CLNK: variants seen among roughly 807,000 people sequenced by gnomAD.
CLNK encodes the protein cytokine dependent hematopoietic cell linker.
A neutral mutation model predicts 68.6 loss-of-function variants in CLNK; 74 were observed. The ratio of observed to expected loss-of-function variants is 1.08; its 90% CI spans 0.89 to 1.31. CLNK has a LOEUF of 1.31. Ranked by LOEUF, CLNK falls within the 50% of genes most tolerant of loss-of-function variation. The pLI is 0.00. For missense variants in CLNK, 553 were observed against 515.3 expected (o/e 1.07, Z -0.71); for synonymous variants, 198 against 172.2 (o/e 1.15, Z -1.17).
intron 3 of CLNK, among the ~76,000 whole-genome samples, chr4:10,593,069 A>C (rs1560232677): frequency 6.6e-6 from 1 of 152,156 alleles, no homozygotes; most frequent in African/African-American, 2.4e-5. Flanking sequence ...CAACTCCCAG[A>C]AAGCCAGTGG....
At chr4:10,714,852 A>G in the CLNK span, among the ~76,000 whole-genome samples, 1 of 152,126 alleles carries the variant, frequency 6.6e-6, no homozygotes, top group African/African-American at 2.4e-5. Context: ...ATACATTCTG[A>G]CATCAGTGTG....
At position 10,489,047 on chromosome 4, in the gene CLNK, C is replaced by A. The variant is rs1004523737; in HGVS notation, c.*1420G>T. 1 of 150,150 alleles carries A rather than the reference C, an allele frequency of 6.7e-6. No homozygotes were observed. The highest frequency in any genetic ancestry group is 2.4e-5 in the African/African-American group (1 of 40,900). 9.3% of individuals were successfully genotyped at this position (150,150 alleles called of 1,614,324 possible). ...GTAAATCTGTATTTTCAAATTGTTT[C>A]TATCTTTCTCTCTCTCTCTCTCTTT... On this transcript the variant is annotated 3_prime_UTR_variant, in exon 19 of 19. Transcript: ENST00000226951.
intron 2 of CLNK, among the ~76,000 whole-genome samples, chr4:10,612,625 T>A (rs1000469374): frequency 6.6e-6 from 1 of 152,208 alleles, no homozygotes; most frequent in African/African-American, 2.4e-5. Flanking sequence ...GGAGAGTGGC[T>A]GGAATCCTAG....
Position 10,673,008 on chromosome 4 carries a change from G to A in CLNK, c.-42-5097C>T, listed in dbSNP as rs576387471. On this transcript the variant is annotated intron_variant, in intron 1 of 18. Coordinates refer to ENST00000226951, the MANE Select transcript of CLNK (RefSeq NM_052964.4). The stretch of plus-strand genomic sequence containing the variant: ...AATTATTTCTGAGTCAATTTTTAGC[G>A]GAATGTTTTTAAAAAACCTATCACA... Among the ~76,000 whole-genome samples, 18 of 152,100 alleles carry A rather than the reference G, an allele frequency of 1.2e-4. No homozygotes were observed. In the East Asian group the frequency reaches 1.9e-3, roughly 16 times the overall value.
intron 2 of CLNK, among the ~76,000 whole-genome samples, chr4:10,598,875 T>C (rs1721481517): frequency 6.6e-6 from 1 of 152,216 alleles, no homozygotes; most frequent in Non-Finnish European, 1.5e-5. Flanking sequence ...GTCCTCCCAG[T>C]TCCACTTGGG....
chr4:10,647,477 A>T, intron 2 of CLNK, among the ~76,000 whole-genome samples: 1 of 152,146 alleles, frequency 6.6e-6, no homozygotes, highest in Non-Finnish European at 1.5e-5. Flanking sequence ...TATTTGTTGA[A>T]ATTAATTCCA....
At chr4:10,501,117 T>C (rs1717025830) in intron 18 of CLNK, 139 bp downstream of exon 18, 3 of 813,072 alleles carry the variant, frequency 3.7e-6, no homozygotes, top group Admixed American at 7.0e-5. Context: ...GTGCAGATAT[T>C]TGTGGAAGGG....
intron 11 of CLNK, among the ~76,000 whole-genome samples, chr4:10,534,205 T>C (rs772562803): frequency 4.3e-4 from 65 of 152,306 alleles, no homozygotes; most frequent in Non-Finnish European, 9.0e-4. Flanking sequence ...GGTTTGGAAT[T>C]TGCAGCTTTA....
At chr4:10,642,395 C>T (rs1723340836) in intron 2 of CLNK, among the ~76,000 whole-genome samples, 1 of 152,170 alleles carries the variant, frequency 6.6e-6, no homozygotes, top group East Asian at 1.9e-4. Context: ...GAGGATGTTC[C>T]TTGAGGTTCA....
chr4:10,634,292 C>A (rs1341804205), intron 2 of CLNK, among the ~76,000 whole-genome samples: 1 of 152,112 alleles, frequency 6.6e-6, no homozygotes, highest in African/African-American at 2.4e-5. Flanking sequence ...AAAGGAGACA[C>A]CTGGGTGGTC....
intron 11 of CLNK, among the ~76,000 whole-genome samples, chr4:10,536,184 C>G (rs557930059): frequency 6.6e-6 from 1 of 152,194 alleles, no homozygotes; most frequent in Admixed American, 6.5e-5. Flanking sequence ...ACCATTGATA[C>G]AGTTGATTGC....
chr4:10,549,959 T>G (rs1719382567), intron 8 of CLNK, among the ~76,000 whole-genome samples: 2 of 152,198 alleles, frequency 1.3e-5, no homozygotes, highest in Non-Finnish European at 2.9e-5. Flanking sequence ...GAGGTGGGCA[T>G]AGCATGGTTG....
intron 2 of CLNK, among the ~76,000 whole-genome samples, chr4:10,647,963 T>C (rs1438620366): frequency 6.6e-6 from 1 of 152,164 alleles, no homozygotes; most frequent in African/African-American, 2.4e-5. Flanking sequence ...CTACAACTAA[T>C]TGTGTCAAAT....
intron 2 of CLNK, among the ~76,000 whole-genome samples, chr4:10,624,355 C>A (rs1220811565): frequency 6.6e-6 from 1 of 152,184 alleles, no homozygotes; most frequent in Non-Finnish European, 1.5e-5. Context: ...TGCCCAGGCG[C>A]CATCTCGGCT....
chr4:10,719,333 T>A, the CLNK span, among the ~76,000 whole-genome samples: 1 of 152,010 alleles, frequency 6.6e-6, no homozygotes, highest in Non-Finnish European at 1.5e-5. Flanking sequence ...TACAGGCAGT[T>A]TGAGAGTAAA....
the CLNK span, among the ~76,000 whole-genome samples, chr4:10,722,134 A>G: frequency 6.6e-6 from 1 of 152,188 alleles, no homozygotes; most frequent in African/African-American, 2.4e-5. Flanking sequence ...TGATCATGCC[A>G]CTGCATTCCA....
Position 10,561,053 on chromosome 4 carries a change from C to G in CLNK, c.400-2601G>C, listed in dbSNP as rs59203169. Among the ~76,000 whole-genome samples the G allele has an allele frequency of 1.4e-3, 213 of 151,952 alleles. 1 individual carries two copies. Among genetic ancestry groups the G allele is most frequent in the Non-Finnish European group, 2.6e-3 (180 of 67,950 alleles). ...CTGGGACTACAGGCATGCTCCACCACGACCAGCTATTTTTTTTTTAATTTT... is the reference window on the plus strand; with the variant it reads ...CTGGGACTACAGGCATGCTCCACCAGGACCAGCTATTTTTTTTTTAATTTT... On this transcript the variant is annotated intron_variant, in intron 7 of 18. Coordinates refer to ENST00000226951, the MANE Select transcript of CLNK (RefSeq NM_052964.4).
the CLNK span, among the ~76,000 whole-genome samples, chr4:10,707,989 T>C: frequency 6.6e-6 from 1 of 152,168 alleles, no homozygotes; most frequent in Non-Finnish European, 1.5e-5. Flanking sequence ...AAATGATACT[T>C]GCACTGAGCG....
intron 3 of CLNK, among the ~76,000 whole-genome samples, chr4:10,587,912 C>T (rs988636885): frequency 3.9e-5 from 6 of 152,190 alleles, no homozygotes; most frequent in Non-Finnish European, 5.9e-5. Flanking sequence ...TAACAGTTGG[C>T]GCCCTTTCAA....
Sources: allele counts gnomAD v4.1 joint callset (sites outside exome capture counted in the v4.1 genomes callset), GRCh38; gene constraint gnomAD v4.1.1; transcripts MANE v1.5; gene names NCBI Gene and HGNC (gene_info 2026-07-23, HGNC 2026-07-21).